The following CELA3B variants were observed in gnomAD, a reference collection of about 807,000 sequenced individuals.
The protein encoded by CELA3B is chymotrypsin-like elastase family member 3B.
A neutral mutation model predicts 37.2 loss-of-function variants in CELA3B; 34 were observed. That is an observed-to-expected ratio of 0.91 (90% CI 0.70 to 1.22). The LOEUF is 1.22. Among genes scored for constraint, CELA3B ranks in the 50% most tolerant of loss-of-function variants. The pLI is 0.00. For missense variants in CELA3B, 340 were observed against 363.1 expected (o/e 0.94, Z 0.52); for synonymous variants, 127 against 143.5 (o/e 0.89, Z 0.82).
At chr1:21,987,228 G>C (rs1644844380) in intron 7 of CELA3B, among the ~76,000 whole-genome samples, 1 of 151,500 alleles carries the variant, frequency 6.6e-6, no homozygotes, top group Admixed American at 6.6e-5. Flanking sequence ...GCAGAGGCAG[G>C]TGGATCACAA....
At chr1:21,981,979 C>A (rs1226752577) in intron 4 of CELA3B, among the ~76,000 whole-genome samples, 1 of 152,060 alleles carries the variant, frequency 6.6e-6, no homozygotes, top group African/African-American at 2.4e-5. Context: ...CCCGCCTCGG[C>A]CTCCCAAAGT....
downstream of CELA3B, among the ~76,000 whole-genome samples, chr1:21,993,009 A>T (rs1412035682): frequency 6.6e-6 from 1 of 150,936 alleles, no homozygotes; most frequent in Non-Finnish European, 1.5e-5. Flanking sequence ...GGCAGTTAGA[A>T]CATAGTTCTA....
intron 2 of CELA3B, among the ~76,000 whole-genome samples, chr1:21,979,004 A>G (rs1644788046): frequency 6.6e-6 from 1 of 150,990 alleles, no homozygotes; most frequent in Admixed American, 6.6e-5. Context: ...ATGAGATCGC[A>G]CCACTGCACT....
intron 4 of CELA3B, among the ~76,000 whole-genome samples, chr1:21,982,993 G>C (rs1163518052): frequency 2.0e-5 from 3 of 152,310 alleles, no homozygotes; most frequent in East Asian, 3.9e-4. Flanking sequence ...AGGGTCAAAG[G>C]AGCGGACAAT....
intron 2 of CELA3B, 60 bp downstream of exon 2, chr1:21,978,514 G>A: frequency 4.4e-6 from 7 of 1,586,374 alleles, no homozygotes; most frequent in Non-Finnish European, 1.7e-6. Flanking sequence ...AAGCTCTAAT[G>A]GCGCGGCATC....
intron 5 of CELA3B, 35 bp from the exon 6 acceptor site, chr1:21,984,154 C>T (rs755695712): frequency 2.5e-6 from 4 of 1,601,324 alleles, no homozygotes; most frequent in Admixed American, 1.7e-5. Context: ...CCCTGTGCCC[C>T]CAGACCCCTG....
At chr1:21,987,007 G>A (rs1385848527) in intron 7 of CELA3B, 2 of 395,882 alleles carry the variant, frequency 5.1e-6, no homozygotes, top group Non-Finnish European at 1.0e-5. Flanking sequence ...CCTGGTGGGG[G>A]ACAGGTGATT....
At chr1:21,988,537 G>A (rs557392827) in intron 7 of CELA3B, among the ~76,000 whole-genome samples, 4 of 147,114 alleles carry the variant, frequency 2.7e-5, no homozygotes, top group African/African-American at 1.0e-4. Context: ...GTTGCAGTGA[G>A]CCAAGATTGC....
In CELA3B at chr1:21,981,124, G is replaced by A. The variant is rs557301977; in HGVS notation, c.314G>A (p.Gly105Glu). The change falls in exon 4 of 8, where the codon GGG becomes GAG. Residue 105 changes from glycine (G) to glutamate (E), a missense_variant. Physicochemically the swap from Gly to Glu is moderately conservative, Grantham distance 98 (BLOSUM62 -2). Coordinates refer to ENST00000337107, the MANE Select transcript of CELA3B (RefSeq NM_007352.4). The part of the protein sequence containing the change: ...GPEQVIPINS[G>E]DLFVHPLWNR... ...GAGCAGGTGATCCCCATCAACTCTG[G>A]GGACCTCTTTGTGCATCCACTCTGG... 64 of 1,612,940 alleles carry A rather than the reference G, an allele frequency of 4.0e-5. No homozygotes were observed. Among genetic ancestry groups the A allele is most frequent in the South Asian group, 3.0e-4 (27 of 90,930 alleles).
chr1:21,984,137 C>A (rs1461020640), intron 5 of CELA3B, 52 bp from the exon 6 acceptor site: 19 of 1,578,864 alleles, frequency 1.2e-5, no homozygotes, highest in Middle Eastern at 1.7e-4. Context: ...TCCTCTGGGG[C>A]TCCTAGCCCT....
intron 2 of CELA3B, among the ~76,000 whole-genome samples, chr1:21,978,874 G>C (rs551662678): frequency 2.6e-5 from 4 of 151,680 alleles, no homozygotes; most frequent in Non-Finnish European, 5.9e-5. Context: ...TTGATGTGCT[G>C]TGGCTATTTA....
chr1:21,980,585 T>A (rs1644798181), intron 2 of CELA3B, among the ~76,000 whole-genome samples: 1 of 143,316 alleles, frequency 7.0e-6, no homozygotes, highest in African/African-American at 2.5e-5. Context: ...AGGGAGGTCA[T>A]AGTGCTGGTG....
In CELA3B at chr1:21,981,141, C is replaced by T; in HGVS notation, c.331C>T (p.Pro111Ser). 5 of 1,612,556 alleles carry T rather than the reference C, an allele frequency of 3.1e-6. No individual in the cohort carries two copies. The highest frequency in any genetic ancestry group is 4.5e-5 in the East Asian group (2 of 44,866). ...CAACTCTGGGGACCTCTTTGTGCAT[C>T]CACTCTGGAACCGCTCGTGTGTGGC... is the stretch of plus-strand genomic sequence containing the variant. ...PINSGDLFVH[P>S]LWNRSCVACG... The change falls in exon 4 of 8, where the codon CCA becomes TCA. Residue 111 changes from proline (P) to serine (S), a missense_variant. By Grantham distance (74) the Pro-to-Ser change is moderately conservative (BLOSUM62 -1). Coordinates refer to ENST00000337107, the MANE Select transcript of CELA3B (RefSeq NM_007352.4).
At chr1:21,986,449 T>G in intron 6 of CELA3B, 82 bp from the exon 7 acceptor site, 1 of 1,553,678 alleles carries the variant, frequency 6.4e-7, no homozygotes, top group Non-Finnish European at 8.7e-7. Flanking sequence ...ATGTCGGAGT[T>G]TCTCGAAATC....
intron 6 of CELA3B, among the ~76,000 whole-genome samples, chr1:21,985,516 G>A (rs112464065): frequency 1.3e-5 from 2 of 151,788 alleles, no homozygotes; most frequent in African/African-American, 4.8e-5. Flanking sequence ...GGGCTCAAGT[G>A]ATCCTCCTGC....
Position 21,984,311 on chromosome 1 carries a change from G to GA in CELA3B, c.623dup (p.Asp208GlufsTer9), listed in dbSNP as rs1436152923. 1 of 1,613,748 alleles carries GA rather than the reference G, an allele frequency of 6.2e-7. No homozygotes were observed. Among genetic ancestry groups the GA allele is most frequent in the African/African-American group, 1.3e-5 (1 of 74,912 alleles). ...GAAGACCATGGTGTGTGCTGGAGGG[G>GA]ACATCCGCTCCGGCTGCAATGTGAG... On this transcript the variant is annotated frameshift_variant, in exon 6 of 8. Transcript: ENST00000337107. LOFTEE classifies it high-confidence loss of function.
At chr1:21,998,098 T>C (rs1215339997) in intron 4 of CELA3B, 1 of 469,042 alleles carries the variant, frequency 2.1e-6, no homozygotes, top group African/African-American at 2.0e-5. Context: ...CCCTTAAGTC[T>C]AAGGTATTTT....
intron 4 of CELA3B, among the ~76,000 whole-genome samples, chr1:21,981,530 A>G (rs532349104): frequency 4.6e-5 from 7 of 151,748 alleles, no homozygotes; most frequent in Admixed American, 4.6e-4. Flanking sequence ...CTGGGCTCCC[A>G]GCACTATGGG....
intron 4 of CELA3B, 132 bp from the exon 5 acceptor site, chr1:21,983,562 T>TGAC: frequency 7.3e-7 from 1 of 1,376,768 alleles, no homozygotes. Flanking sequence ...ATGATGATGA[T>TGAC]GATGAAAGAG....
Sources: allele counts gnomAD v4.1 joint callset (sites outside exome capture counted in the v4.1 genomes callset), GRCh38; gene constraint gnomAD v4.1.1; transcripts MANE v1.5; gene names NCBI Gene and HGNC (gene_info 2026-07-23, HGNC 2026-07-21).